GRAMD1B: variants seen among roughly 807,000 people sequenced by gnomAD.
GRAMD1B encodes protein Aster-B.
A neutral mutation model predicts 99.7 loss-of-function variants in GRAMD1B; 37 were observed. The observed-to-expected ratio is 0.37, with a 90% confidence interval of 0.29 to 0.49. The LOEUF (loss-of-function observed/expected upper bound fraction) is 0.49. GRAMD1B is among the 20% of genes least tolerant of loss of function. The probability of loss-of-function intolerance (pLI) is 0.98; values close to 1 mark genes in which losing one functional copy is unlikely to be tolerated. For missense variants in GRAMD1B, 888 were observed against 1,009.2 expected, an observed-to-expected ratio of 0.88 and a Z score of 1.63; for synonymous variants, 427 against 387.6, an observed-to-expected ratio of 1.10 and a Z score of -1.19.
intron 2 of GRAMD1B, among the ~76,000 whole-genome samples, chr11:123,504,018 G>C (rs1216935580): frequency 1.3e-5 from 2 of 152,192 alleles, no homozygotes; most frequent in African/African-American, 4.8e-5. Flanking sequence ...TTTGAACTGG[G>C]AAATTTGACT....
chr11:123,447,118 T>G (rs530523600), intron 1 of GRAMD1B, among the ~76,000 whole-genome samples: 1 of 151,960 alleles, frequency 6.6e-6, no homozygotes, highest in Non-Finnish European at 1.5e-5. Flanking sequence ...GAAAAAAAAA[T>G]TGATCTGAGG....
chr11:123,597,256 C>CTTT lies in GRAMD1B; in HGVS notation c.969+1247_969+1249dup, dbSNP rs71060518. ...GGGACTACAGTGCATGCCACTATGC[C>CTTT]TTTTTTTTTTTTTTTTTTTTTTTTT... On this transcript the variant is annotated intron_variant, in intron 7 of 19. Transcript: ENST00000635736. 3.1e-3 allele frequency among the ~76,000 whole-genome samples: 241 copies of CTTT among 76,550 alleles called. 18 individuals are homozygous for CTTT. The highest frequency in any genetic ancestry group is 3.8e-3 in the Non-Finnish European group (158 of 41,750). The allele number at this position is 76,550 out of a possible 152,430, so 50.2% of individuals were successfully genotyped here.
At chr11:123,404,648 T>G (rs57117717) in intron 1 of GRAMD1B, among the ~76,000 whole-genome samples, 2 of 152,178 alleles carry the variant, frequency 1.3e-5, no homozygotes, top group African/African-American at 4.8e-5. Flanking sequence ...TCTTCTCCTT[T>G]TGGAGCAGAA....
At chr11:123,443,991 A>G (rs1949525701) in intron 1 of GRAMD1B, among the ~76,000 whole-genome samples, 1 of 152,184 alleles carries the variant, frequency 6.6e-6, no homozygotes, top group Admixed American at 6.5e-5. Context: ...TGTGGAGACC[A>G]AAGTTCTTAT....
intron 19 of GRAMD1B, among the ~76,000 whole-genome samples, chr11:123,621,648 A>G (rs537870232): frequency 7.2e-5 from 11 of 152,198 alleles, no homozygotes; most frequent in Non-Finnish European, 1.6e-4. Context: ...GAGCACAAAG[A>G]TTCCTGGGCG....
intron 2 of GRAMD1B, among the ~76,000 whole-genome samples, chr11:123,570,255 T>G (rs1343515177): frequency 6.6e-6 from 1 of 152,112 alleles, no homozygotes; most frequent in Non-Finnish European, 1.5e-5. Context: ...GGGGGTGGTA[T>G]CAGGTTAAGG....
At chr11:123,429,834 T>G (rs1177920131), upstream of GRAMD1B, among the ~76,000 whole-genome samples, 1 of 152,144 alleles carries the variant, frequency 6.6e-6, no homozygotes, top group African/African-American at 2.4e-5. The surrounding 1 kb of genome is among the most constrained non-coding windows in gnomAD (Gnocchi z 4.0). Flanking sequence ...CTGACTATAC[T>G]CCGGCCTGCA....
intron 17 of GRAMD1B, among the ~76,000 whole-genome samples, chr11:123,617,944 C>T (rs1954655836): frequency 6.6e-6 from 1 of 152,192 alleles, no homozygotes; most frequent in Non-Finnish European, 1.5e-5. Context: ...AAACCTCAGC[C>T]TGTCTGCATG....
chr11:123,560,234 G>A (rs1442229121), intron 2 of GRAMD1B: 3 of 1,072,716 alleles, frequency 2.8e-6, no homozygotes, highest in Non-Finnish European at 3.4e-6. Flanking sequence ...GTCTGAGTGT[G>A]TCTGTGCGCC....
rs545872495 is a variant in GRAMD1B at position 123,603,353 on chromosome 11, C to T, written c.1051-73C>T. On this transcript the variant is annotated intron_variant, in intron 8 of 19. Coordinates refer to ENST00000635736, the MANE Select transcript of GRAMD1B (RefSeq NM_001387025.1). ...CTCCTCTTCTCCAGGGGAACCAGCC[C>T]GGCTCAGTGCCTCTGTGCAGAGTCG... 2,458 of 905,900 alleles carry T rather than the reference C, an allele frequency of 2.7e-3. 3 individuals are homozygous for T. The highest frequency in any genetic ancestry group is 5.2e-3 in the Middle Eastern group (24 of 4,638). 56.1% of individuals were successfully genotyped at this position (905,900 alleles called of 1,614,324 possible).
intron 2 of GRAMD1B, among the ~76,000 whole-genome samples, chr11:123,511,072 ACT>A (rs35053436): frequency 0.029 from 4,191 of 145,206 alleles, 159 homozygotes; most frequent in African/African-American, 0.088. Flanking sequence ...CCTCTTTTTC[ACT>A]CTCTCTCTCT....
chr11:123,407,424 G>A (rs1947893024), intron 1 of GRAMD1B, among the ~76,000 whole-genome samples: 1 of 152,202 alleles, frequency 6.6e-6, no homozygotes, highest in African/African-American at 2.4e-5. Flanking sequence ...GGGCTGGCAT[G>A]TTTCTGGCCC....
intron 9 of GRAMD1B, among the ~76,000 whole-genome samples, chr11:123,604,654 A>G (rs1952456119): frequency 6.6e-6 from 1 of 152,184 alleles, no homozygotes; most frequent in South Asian, 2.1e-4. Flanking sequence ...ATGAATACCC[A>G]TTTGGTTATC....
intron 1 of GRAMD1B, among the ~76,000 whole-genome samples, chr11:123,433,707 T>TGC (rs1463015889): frequency 6.6e-6 from 1 of 151,858 alleles, no homozygotes; most frequent in African/African-American, 2.4e-5. Context: ...TGTGTGTGTG[T>TGC]GTGTGTCTTT....
At chr11:123,452,126 A>G (rs1272401152) in intron 1 of GRAMD1B, among the ~76,000 whole-genome samples, 2 of 152,154 alleles carry the variant, frequency 1.3e-5, no homozygotes, top group African/African-American at 4.8e-5. Context: ...GAGCCACTGC[A>G]CCCAGTCCGA....
At chr11:123,599,378 C>T in intron 7 of GRAMD1B, 1 of 684,382 alleles carries the variant, frequency 1.5e-6, no homozygotes, top group South Asian at 1.4e-5. Context: ...TAGTGAGCAT[C>T]TCTTTGGCCA....
chr11:123,534,141 A>G (rs1943703149), intron 2 of GRAMD1B, among the ~76,000 whole-genome samples: 1 of 152,278 alleles, frequency 6.6e-6, no homozygotes, highest in African/African-American at 2.4e-5. Context: ...CAGAAGCCTT[A>G]CTGATAACAC....
intron 2 of GRAMD1B, among the ~76,000 whole-genome samples, chr11:123,561,910 A>G (rs970090015): frequency 2.0e-5 from 3 of 152,210 alleles, no homozygotes; most frequent in Non-Finnish European, 4.4e-5. Context: ...TGTCAAGGCC[A>G]TGATTAAAAA....
At chr11:123,565,231 G>A (rs1241570615) in intron 2 of GRAMD1B, among the ~76,000 whole-genome samples, 1 of 148,796 alleles carries the variant, frequency 6.7e-6, no homozygotes, top group East Asian at 2.0e-4. Context: ...TAGGGATGAG[G>A]TCTTGCTATG....
Sources: allele counts gnomAD v4.1 joint callset (sites outside exome capture counted in the v4.1 genomes callset), GRCh38; gene constraint gnomAD v4.1.1; non-coding constraint Gnocchi (gnomAD v3.1); transcripts MANE v1.5; gene names NCBI Gene and HGNC (gene_info 2026-07-23, HGNC 2026-07-21).